Variants in ZNF66 observed in about 807,000 individuals in gnomAD.
ZNF66 encodes putative zinc finger protein 66.
In ZNF66, 32 loss-of-function variants were observed where a neutral mutation model predicts 35.2. The ratio of observed to expected loss-of-function variants is 0.91; its 90% CI spans 0.69 to 1.22. ZNF66 has a LOEUF of 1.22. Among genes scored for constraint, ZNF66 ranks in the 50% most tolerant of loss-of-function variants. The pLI is 0.00. For missense variants in ZNF66, 666 were observed against 543.1 expected (o/e 1.23, Z -2.25); for synonymous variants, 231 against 181.3 (o/e 1.27, Z -2.20).
rs1465028142 is a variant in ZNF66, at chr19:20,807,765, A to T, written c.*443A>T. 6.6e-6 allele frequency among the ~76,000 whole-genome samples: 1 copy of T among 152,038 alleles called. No individual in the cohort carries two copies. The highest frequency in any genetic ancestry group is 1.5e-5 in the Non-Finnish European group (1 of 68,026). Reference sequence around the variant, plus strand: ...GGCTGAATAGGTACAGCTCCTGTCTACAGCTCCCAGCCTGAGCGACGCAGA... The same window carrying T: ...GGCTGAATAGGTACAGCTCCTGTCTTCAGCTCCCAGCCTGAGCGACGCAGA... On this transcript the variant is annotated 3_prime_UTR_variant, in exon 4 of 4. Coordinates refer to ENST00000344519, the MANE Select transcript of ZNF66 (RefSeq NM_001355197.2).
chr19:20,787,397 A>G (rs1265508117), intron 1 of ZNF66, among the ~76,000 whole-genome samples: 1 of 152,226 alleles, frequency 6.6e-6, no homozygotes, highest in Admixed American at 6.5e-5. Context: ...CTTAGATTGT[A>G]TTCCACTTGC....
chr19:20,803,285 C>T (rs1971467594), intron 3 of ZNF66, among the ~76,000 whole-genome samples: 1 of 149,002 alleles, frequency 6.7e-6, no homozygotes, highest in African/African-American at 2.4e-5. Flanking sequence ...ATTCTTGTGT[C>T]TTTGTCTCTC....
At chr19:20,778,374 A>G (rs1392943306) in intron 1 of ZNF66, among the ~76,000 whole-genome samples, 2 of 152,250 alleles carry the variant, frequency 1.3e-5, no homozygotes, top group Non-Finnish European at 2.9e-5. Context: ...TGTTGGGATT[A>G]GAGGCGTGAG....
chr19:20,784,842 C>G (rs2144894561), intron 1 of ZNF66: 1 of 152,312 alleles, frequency 6.6e-6, no homozygotes, highest in Admixed American at 6.5e-5. Context: ...CTAATCTGAC[C>G]TTTTTCTTAA....
rs1971193290 is a variant in ZNF66, at chr19:20,776,340, C to T, written c.-108C>T. The T allele has an allele frequency of 2.0e-6, 3 of 1,472,814 alleles. No homozygotes were observed. The highest frequency in any genetic ancestry group is 2.8e-6 in the Non-Finnish European group (3 of 1,054,846). 91.2% of individuals were successfully genotyped at this position (1,472,814 alleles called of 1,614,324 possible). On this transcript the variant is annotated 5_prime_UTR_variant, in exon 1 of 4. Coordinates refer to ENST00000344519, the MANE Select transcript of ZNF66 (RefSeq NM_001355197.2). ...CAGCTGGAGCTCCAGGTCGTCTGTT[C>T]ACTGCTCTCTGTCTTCTTCTCCTAG...
chr19:20,788,880 G>A (rs1029733946), intron 1 of ZNF66, among the ~76,000 whole-genome samples: 1 of 151,784 alleles, frequency 6.6e-6, no homozygotes, highest in African/African-American at 2.4e-5. Context: ...GTGAAACGCC[G>A]TCTCTACTAA....
chr19:20,780,313 A>G (rs1359211945), intron 1 of ZNF66, among the ~76,000 whole-genome samples: 2 of 152,094 alleles, frequency 1.3e-5, no homozygotes, highest in Non-Finnish European at 2.9e-5. Flanking sequence ...AGTATTATCT[A>G]TGTGTTTCAT....
Position 20,792,567 on chromosome 19 carries a change from G to A in ZNF66, c.59G>A (p.Cys20Tyr). The change falls in exon 2 of 4, where the codon TGC (cysteine) becomes TAC (tyrosine). Residue 20 changes from cysteine to tyrosine, a missense_variant. Coordinates refer to ENST00000344519, the MANE Select transcript of ZNF66 (RefSeq NM_001355197.2). Reference sequence around the variant, plus strand: ...GAATTCTCTCTGGAGGAGTGGCATTGCCTGGACATGGCACAGCGGAATTTA... The same window carrying A: ...GAATTCTCTCTGGAGGAGTGGCATTACCTGGACATGGCACAGCGGAATTTA... ...AIEFSLEEWH[C>Y]LDMAQRNLYR... is the part of the protein sequence containing the mutation. 6.5e-7 allele frequency: 1 copy of A among 1,527,968 alleles called. No homozygotes were observed. The highest frequency in any genetic ancestry group is 9.0e-7 in the Non-Finnish European group (1 of 1,105,746). The allele number at this position is 1,527,968 out of a possible 1,614,324, so 94.7% of individuals were successfully genotyped here.
intron 1 of ZNF66, among the ~76,000 whole-genome samples, chr19:20,788,700 G>C (rs1179794766): frequency 6.6e-6 from 1 of 152,008 alleles, no homozygotes; most frequent in African/African-American, 2.4e-5. Flanking sequence ...ACCACGCCTG[G>C]CCATATAATT....
At chr19:20,780,303 A>G (rs545216248) in intron 1 of ZNF66, among the ~76,000 whole-genome samples, 2 of 152,170 alleles carry the variant, frequency 1.3e-5, no homozygotes, top group Non-Finnish European at 2.9e-5. Flanking sequence ...AACATTTTCC[A>G]GTATTATCTA....
chr19:20,799,053 T>A (rs572864970), intron 3 of ZNF66: 1 of 135,204 alleles, frequency 7.4e-6, no homozygotes, highest in East Asian at 2.0e-4. Flanking sequence ...CTTTCTTTCT[T>A]TTTCTTTCTT....
chr19:20,806,659 C>T lies in ZNF66; in HGVS notation c.1059C>T (p.Ser353=), dbSNP rs1971515224. The T allele has an allele frequency of 3.9e-6, 6 of 1,520,570 alleles. No individual in the cohort carries two copies. The South Asian group carries it at 4.5e-5, about 11-fold the overall frequency. 94.2% of individuals were successfully genotyped at this position (1,520,570 alleles called of 1,614,324 possible). A position where few individuals can be genotyped will look rare whatever the true frequency, so the allele number is the denominator to read the frequency against. Residue 353 remains serine, a synonymous_variant, in exon 4 of 4, where the codon TCC becomes TCT. Transcript: ENST00000344519. ...AATGTGGCAAAGGCTTTAAGTACTC[C>T]TCTACCCTTACTAAACATAAAATAA... is the stretch of plus-strand genomic sequence containing the variant. ...CEECGKGFKY[S]STLTKHKIIH... is the part of the protein sequence containing the mutation.
At chr19:20,799,065 C>A (rs11669259) in intron 3 of ZNF66, 1 of 128,144 alleles carries the variant, frequency 7.8e-6, no homozygotes, top group South Asian at 2.5e-4. Context: ...TTCTTTCTTT[C>A]TTTTTTTTTT....
intron 1 of ZNF66, among the ~76,000 whole-genome samples, chr19:20,779,326 G>A (rs557650459): frequency 4.1e-5 from 6 of 147,988 alleles, no homozygotes; most frequent in African/African-American, 1.6e-4. Flanking sequence ...TTTAGGGAGA[G>A]GTAAACAAGA....
In ZNF66 at chr19:20,807,340, C is replaced by A. The variant is rs10418901; in HGVS notation, c.*18C>A. The A allele has an allele frequency of 3.8e-5, 23 of 609,414 alleles. No individual in the cohort carries two copies. The highest frequency in any genetic ancestry group is 6.2e-5 in the Non-Finnish European group (21 of 338,578). 37.8% of individuals were successfully genotyped at this position (609,414 alleles called of 1,614,324 possible). Reference sequence around the variant, plus strand: ...AGCCTTAGACACTCCTCTACCCTTACTAGACATAAGATAATTCATACTGGA... The same window carrying A: ...AGCCTTAGACACTCCTCTACCCTTAATAGACATAAGATAATTCATACTGGA... On this transcript the variant is annotated 3_prime_UTR_variant, in exon 4 of 4. Transcript: ENST00000344519.
chr19:20,786,049 TG>T (rs1971284262), intron 1 of ZNF66, among the ~76,000 whole-genome samples: 1 of 152,058 alleles, frequency 6.6e-6, no homozygotes. Flanking sequence ...ATTACAGGTG[TG>T]AGTCACTACT....
chr19:20,790,522 G>A (rs1267509409), intron 1 of ZNF66, among the ~76,000 whole-genome samples: 2 of 152,140 alleles, frequency 1.3e-5, no homozygotes, highest in African/African-American at 4.8e-5. Context: ...GACAGGAAAG[G>A]AGAAACTTAT....
At position 20,809,991 on chromosome 19, in the gene ZNF66, C is replaced by T. The variant is rs775687791; in HGVS notation, c.*2669C>T. On this transcript the variant is annotated 3_prime_UTR_variant, in exon 4 of 4. Coordinates refer to ENST00000344519, the MANE Select transcript of ZNF66 (RefSeq NM_001355197.2). Reference sequence around the variant, plus strand: ...AAATAAAAGGATGGAGGAAGATCTACGAAGCAAATGGAAAACAAACAAAAA... The same window carrying T: ...AAATAAAAGGATGGAGGAAGATCTATGAAGCAAATGGAAAACAAACAAAAA... Among the ~76,000 whole-genome samples the T allele has an allele frequency of 7.9e-5, 12 of 152,104 alleles. No individual in the cohort carries two copies. Among genetic ancestry groups the T allele is most frequent in the South Asian group, 2.1e-4 (1 of 4,814 alleles).
intron 1 of ZNF66, among the ~76,000 whole-genome samples, chr19:20,789,812 C>G (rs1031807082): frequency 6.6e-5 from 10 of 152,202 alleles, no homozygotes; most frequent in African/African-American, 2.2e-4. Flanking sequence ...TTATGCCCAG[C>G]ACAGTGCTCT....
Sources: allele counts gnomAD v4.1 joint callset (sites outside exome capture counted in the v4.1 genomes callset), GRCh38; gene constraint gnomAD v4.1.1; transcripts MANE v1.5; gene names NCBI Gene and HGNC (gene_info 2026-07-23, HGNC 2026-07-21).